OPCML: variants seen among roughly 807,000 people sequenced by gnomAD.
OPCML encodes the protein opioid-binding protein/cell adhesion molecule.
Under a neutral mutation model 37.8 loss-of-function variants are expected in OPCML, and 13 were observed. The ratio of observed to expected loss-of-function variants is 0.34; its 90% CI spans 0.22 to 0.55. The LOEUF is 0.55. Ranked by LOEUF, OPCML falls within the 20% of genes least tolerant of loss-of-function variation. OPCML has a pLI of 0.91. For synonymous variants in OPCML, 176 were observed against 168.8 expected, an observed-to-expected ratio of 1.04 and a Z score of -0.33; for missense variants, 341 against 435.6, an observed-to-expected ratio of 0.78 and a Z score of 1.93.
chr11:133,439,284 T>A (rs896481947), intron 1 of OPCML: 16 of 963,646 alleles, frequency 1.7e-5, no homozygotes, highest in Non-Finnish European at 1.7e-5. Context: ...GTCCAGAGAG[T>A]AAAAGATGTT....
chr11:133,071,106 T>C (rs115249400), intron 1 of OPCML, among the ~76,000 whole-genome samples: 1,937 of 152,334 alleles, frequency 0.013, 50 homozygotes, highest in African/African-American at 0.044. Context: ...ATATGTCTCA[T>C]CTATTAAAAT....
intron 3 of OPCML, among the ~76,000 whole-genome samples, chr11:132,557,643 A>G (rs2096398852): frequency 6.6e-6 from 1 of 152,218 alleles, no homozygotes; most frequent in South Asian, 2.1e-4. Context: ...CATGACACTC[A>G]TTAAATTGTG....
chr11:132,650,657 T>G (rs73593155), intron 3 of OPCML, among the ~76,000 whole-genome samples: 19,915 of 151,938 alleles, frequency 0.13, 2,709 homozygotes, highest in African/African-American at 0.35. Flanking sequence ...TGCACATAAA[T>G]AAATTACTCT....
intron 3 of OPCML, among the ~76,000 whole-genome samples, chr11:132,541,919 C>T (rs1254559168): frequency 6.6e-6 from 1 of 152,162 alleles, no homozygotes; most frequent in Non-Finnish European, 1.5e-5. Flanking sequence ...ACAGAAGTGG[C>T]CCTCACTTTG....
At chr11:132,424,232 G>A (rs748926818) in intron 7 of OPCML, among the ~76,000 whole-genome samples, 3 of 151,736 alleles carry the variant, frequency 2.0e-5, no homozygotes, top group Admixed American at 6.6e-5. Flanking sequence ...CCGTTCTCCT[G>A]CCTCATCCTC....
At chr11:133,071,326 A>T (rs148914513) in intron 1 of OPCML, among the ~76,000 whole-genome samples, 64 of 152,268 alleles carry the variant, frequency 4.2e-4, no homozygotes, top group African/African-American at 1.4e-3. Flanking sequence ...GGGTTTTGCA[A>T]CATTTGGGTG....
Position 133,109,649 on chromosome 11 carries a change from G to A in OPCML, c.62-166639C>T, listed in dbSNP as rs1167095505. 3.9e-5 allele frequency among the ~76,000 whole-genome samples: 6 copies of A among 152,304 alleles called. No individual in the cohort carries two copies. In the South Asian group the frequency reaches 1.0e-3, roughly 26 times the overall value. ...GTTCCCACTCGACCCAGGAAGTCCA[G>A]CTGGCTTCACCTTTCACCATGACCC... On this transcript the variant is annotated intron_variant, in intron 1 of 7. Coordinates refer to ENST00000524381, the MANE Select transcript of OPCML (RefSeq NM_001012393.5).
chr11:133,184,603 G>T, intron 1 of OPCML, among the ~76,000 whole-genome samples: 1 of 152,040 alleles, frequency 6.6e-6, no homozygotes, highest in East Asian at 1.9e-4. Context: ...ATCACCATTG[G>T]CAGATCTATA....
At chr11:132,432,735 G>A (rs1218207704) in intron 7 of OPCML, among the ~76,000 whole-genome samples, 1 of 152,170 alleles carries the variant, frequency 6.6e-6, no homozygotes, top group East Asian at 1.9e-4. Flanking sequence ...TAGCCCCTAT[G>A]TTCCTGGAGC....
chr11:132,661,298 G>A (rs942639676), intron 2 of OPCML, among the ~76,000 whole-genome samples: 1 of 152,152 alleles, frequency 6.6e-6, no homozygotes, highest in Non-Finnish European at 1.5e-5. Flanking sequence ...AAGTTTGTAT[G>A]GTTCTCAGAA....
intron 2 of OPCML, among the ~76,000 whole-genome samples, chr11:132,899,347 A>C (rs1943966865): frequency 1.3e-5 from 2 of 152,216 alleles, no homozygotes; most frequent in South Asian, 4.1e-4. Context: ...GGTTTTGCTC[A>C]TCTCTTATCC....
chr11:133,305,875 T>G (rs372661985), intron 1 of OPCML, among the ~76,000 whole-genome samples: 110 of 152,260 alleles, frequency 7.2e-4, no homozygotes, highest in African/African-American at 2.6e-3. Flanking sequence ...TTGTGGAAAT[T>G]AGAAATAAAT....
chr11:132,577,753 A>G (rs1473194710), intron 3 of OPCML, among the ~76,000 whole-genome samples: 1 of 152,218 alleles, frequency 6.6e-6, no homozygotes, highest in East Asian at 1.9e-4. Flanking sequence ...TAATAATACA[A>G]GTGATCTTAT....
chr11:132,890,320 C>T (rs1307457686), intron 2 of OPCML, among the ~76,000 whole-genome samples: 3 of 152,126 alleles, frequency 2.0e-5, no homozygotes, highest in Non-Finnish European at 4.4e-5. Flanking sequence ...CTGGGGGAGT[C>T]AAGTTACAAA....
intron 4 of OPCML, among the ~76,000 whole-genome samples, chr11:132,493,340 C>T (rs927151011): frequency 2.0e-5 from 3 of 152,198 alleles, no homozygotes; most frequent in African/African-American, 7.2e-5. Flanking sequence ...TGCTGAGATG[C>T]TCTTCCCTTT....
rs1434025392 is a variant in OPCML, at chr11:132,937,493, AGAGT to A, written c.146+5429_146+5432del. Reference sequence around the variant, plus strand: ...AACAGGGGGACAGAGAGAGAGAGAGAGAGTGTGTGTGTATGTGTGTCTGTGTGGT... The same window carrying A: ...AACAGGGGGACAGAGAGAGAGAGAGAGTGTGTGTATGTGTGTCTGTGTGGT... On this transcript the variant is annotated intron_variant, in intron 2 of 7. Coordinates refer to ENST00000524381, the MANE Select transcript of OPCML (RefSeq NM_001012393.5). 1.5e-4 allele frequency among the ~76,000 whole-genome samples: 21 copies of A among 142,956 alleles called. No individual in the cohort carries two copies. In the South Asian group the frequency reaches 4.4e-3, roughly 30 times the overall value. 93.8% of individuals were successfully genotyped at this position (142,956 alleles called of 152,430 possible). A position where few individuals can be genotyped will look rare whatever the true frequency, so the allele number is the denominator to read the frequency against.
At chr11:132,762,483 C>T (rs1946298382) in intron 2 of OPCML, among the ~76,000 whole-genome samples, 2 of 152,354 alleles carry the variant, frequency 1.3e-5, no homozygotes, top group Middle Eastern at 3.4e-3. Context: ...ACTGGGGCTG[C>T]TGCCTTTCTT....
chr11:132,466,488 A>G (rs1296199799), intron 4 of OPCML, among the ~76,000 whole-genome samples: 2 of 147,538 alleles, frequency 1.4e-5, no homozygotes, highest in Non-Finnish European at 3.0e-5. Context: ...CGTCTCGGAA[A>G]AAAAAAAAAA....
intron 1 of OPCML, among the ~76,000 whole-genome samples, chr11:133,275,273 T>G (rs1344121469): frequency 6.6e-6 from 1 of 152,202 alleles, no homozygotes; most frequent in Admixed American, 6.5e-5. Flanking sequence ...CTTTCGGGGT[T>G]TATAGATCAG....
Sources: gnomAD v4.1 joint callset for allele counts (sites outside exome capture counted in the v4.1 genomes callset) on GRCh38, gnomAD v4.1.1 for gene constraint, MANE v1.5 for transcripts, NCBI Gene and HGNC (gene_info 2026-07-23, HGNC 2026-07-21) for gene names.